TAOK2: variants seen among roughly 807,000 people sequenced by gnomAD.
The protein encoded by TAOK2 is TAO kinase 2.
TAOK2 carries 42 observed loss-of-function variants against 122.5 expected under a neutral mutation model. The ratio of observed to expected loss-of-function variants is 0.34; its 90% CI spans 0.27 to 0.44. The LOEUF is 0.44. Among genes scored for constraint, TAOK2 ranks in the 20% least tolerant of loss-of-function variants. The pLI, the probability that TAOK2 is intolerant of heterozygous loss-of-function variation, is 1.00. For missense variants in TAOK2, 1,264 were observed against 1,644.9 expected (o/e 0.77, Z 4.01); for synonymous variants, 704 against 677.6 (o/e 1.04, Z -0.61).
chr16:29,991,300 G>A, downstream of TAOK2: 1 of 1,611,376 alleles, frequency 6.2e-7, no homozygotes, highest in Non-Finnish European at 8.5e-7. This position sits in a 1 kb window ranked among gnomAD's most constrained non-coding sequence, Gnocchi z 5.6. Flanking sequence ...CCTCCACCAG[G>A]CATGCCCCCT....
In TAOK2 at chr16:29,985,960, C is replaced by G. The variant is rs537056183; in HGVS notation, c.1992+99C>G. 1,539 of 1,407,440 alleles carry G rather than the reference C, an allele frequency of 1.1e-3. 2 individuals carry two copies. The highest frequency in any genetic ancestry group is 1.4e-3 in the Non-Finnish European group (1,452 of 1,029,618). 87.2% of individuals were successfully genotyped at this position (1,407,440 alleles called of 1,614,324 possible). On this transcript the variant is annotated intron_variant, in intron 15 of 15. Coordinates refer to ENST00000308893, the MANE Select transcript of TAOK2 (RefSeq NM_016151.4). The surrounding 1 kb of genome is among the most constrained non-coding windows in gnomAD (Gnocchi z 6.9). ...ATTCTTGTCTTCTTTCTCCTTGGCC[C>G]TCGAGTGTTACAGTTCAGCTTTGCT...
At chr16:29,991,899 A>C, downstream of TAOK2, 4 of 223,696 alleles carry the variant, frequency 1.8e-5, no homozygotes, top group Admixed American at 5.7e-5. This position sits in a 1 kb window ranked among gnomAD's most constrained non-coding sequence, Gnocchi z 5.6. Context: ...GACATACTAT[A>C]TTCAGAGAAC....
Position 29,982,767 on chromosome 16 carries a change from G to GTCA in TAOK2, c.870_872dup (p.Ile290dup). 6.2e-7 allele frequency: 1 copy of GTCA among 1,613,950 alleles called. No individual in the cohort carries two copies. The highest frequency in any genetic ancestry group is 8.5e-7 in the Non-Finnish European group (1 of 1,179,910). On this transcript the variant is annotated inframe_insertion, in exon 11 of 16. Transcript: ENST00000308893. ...TGTGCTCCGGGAGCGGCCACCCACA[G>GTCA]TCATCATGGACCTGATCCAGAGGAC...
At chr16:29,991,276 G>C (rs756443782), downstream of TAOK2, 4 of 1,611,886 alleles carry the variant, frequency 2.5e-6, no homozygotes, top group Non-Finnish European at 3.4e-6. This position sits in a 1 kb window ranked among gnomAD's most constrained non-coding sequence, Gnocchi z 5.6. Context: ...GGGGCACACT[G>C]GAGCCATGGC....
chr16:29,989,570 C>G, downstream of TAOK2: 1 of 1,613,430 alleles, frequency 6.2e-7, no homozygotes, highest in South Asian at 1.1e-5. Flanking sequence ...CCCCCATCTC[C>G]CCTTGATCCG....
intron 11 of TAOK2, 38 bp downstream of exon 11, chr16:29,982,939 A>G (rs1205597821): frequency 6.2e-7 from 1 of 1,610,016 alleles, no homozygotes. Flanking sequence ...TTTATACCCC[A>G]TGTGTGCCTG....
chr16:29,977,608 CT>C, intron 1 of TAOK2, 129 bp from the exon 2 acceptor site: 1 of 866,522 alleles, frequency 1.2e-6, no homozygotes, highest in Non-Finnish European at 1.7e-6. Flanking sequence ...TAATCTCCCC[CT>C]CCCCTTCCTC....
chr16:29,982,043 C>G, intron 10 of TAOK2, 103 bp downstream of exon 10: 1 of 971,246 alleles, frequency 1.0e-6, no homozygotes, highest in Non-Finnish European at 1.6e-6. Flanking sequence ...CCACCAAGAG[C>G]TTCGTTGATG....
intron 13 of TAOK2, 116 bp downstream of exon 13, chr16:29,983,780 T>C: frequency 1.4e-6 from 2 of 1,463,720 alleles, no homozygotes; most frequent in South Asian, 1.3e-5. Flanking sequence ...ACCCTCATTT[T>C]CTGTTGCTGG....
In TAOK2 at chr16:29,981,930, T is replaced by C. The variant is rs151026108; in HGVS notation, c.821T>C (p.Val274Ala). ...CCTCAAGACAGACCAACCTCAGAGG[T>C]TCTCCTGAAGGTGAGGGCCTGCTGG... ...KIPQDRPTSE[V>A]LLKHRFVLRE... The change falls in exon 10 of 16, where the codon GTT (valine) becomes GCT (alanine). Residue 274 changes from valine to alanine, a missense_variant. By Grantham distance (64) the Val-to-Ala change is moderately conservative. Coordinates refer to ENST00000308893, the MANE Select transcript of TAOK2 (RefSeq NM_016151.4). 1 of 1,613,236 alleles carries C rather than the reference T, an allele frequency of 6.2e-7. No homozygotes were observed. The highest frequency in any genetic ancestry group is 1.3e-5 in the African/African-American group (1 of 74,824).
Position 29,983,306 on chromosome 16 carries a change from C to CA in TAOK2, c.1235dup (p.His412GlnfsTer12). 6.2e-7 allele frequency: 1 copy of CA among 1,601,650 alleles called. No homozygotes were observed. Among genetic ancestry groups the CA allele is most frequent in the Non-Finnish European group, 8.5e-7 (1 of 1,178,980 alleles). On this transcript the variant is annotated frameshift_variant, in exon 12 of 16. Coordinates refer to ENST00000308893, the MANE Select transcript of TAOK2 (RefSeq NM_016151.4). LOFTEE classifies it high-confidence loss of function. ...GGAGGGGGAGCACACAGTCACCTCT[C>CA]ACAGCTCCATTATCCACCGGCTGCC...
Position 29,978,368 on chromosome 16 carries a change from G to C in TAOK2, c.306+15G>C. On this transcript the variant is annotated intron_variant, in intron 4 of 15. Coordinates refer to ENST00000308893, the MANE Select transcript of TAOK2 (RefSeq NM_016151.4). ...ACACGGCTTGGGTGAGCTGGTGCCA[G>C]ATTCTGGCCTGATCTTTACTCCTAT... is the stretch of plus-strand genomic sequence containing the variant. 3.7e-6 allele frequency: 6 copies of C among 1,613,388 alleles called. No homozygotes were observed. Among genetic ancestry groups the C allele is most frequent in the Non-Finnish European group, 5.1e-6 (6 of 1,179,336 alleles).
Position 29,978,347 on chromosome 16 carries a change from G to A in TAOK2, c.300G>A (p.Thr100=), listed in dbSNP as rs368062779. ...GGGGCTGTTACCTGAGGGAGCACAC[G>A]GCTTGGGTGAGCTGGTGCCAGATTC... is the stretch of plus-strand genomic sequence containing the variant. ...QYRGCYLREH[T]AWLVMEYCLG... The change falls in exon 4 of 16, where the codon ACG becomes ACA. Residue 100 remains threonine (T), a synonymous_variant. Transcript: ENST00000308893. The A allele has an allele frequency of 3.2e-5, 52 of 1,614,140 alleles. No individual in the cohort carries two copies. The East Asian group carries it at 3.3e-4, about 10-fold the overall frequency.
chr16:29,984,534 T>A (rs1343127751), intron 13 of TAOK2, among the ~76,000 whole-genome samples: 1 of 152,196 alleles, frequency 6.6e-6, no homozygotes, highest in Non-Finnish European at 1.5e-5. Flanking sequence ...GTTCCAACAA[T>A]TCTTCAGATC....
chr16:29,989,432 T>C (rs1353645640), downstream of TAOK2: 2 of 977,420 alleles, frequency 2.0e-6, no homozygotes, highest in African/African-American at 3.6e-5. Context: ...CTGTCTAACA[T>C]GTTTTCTGTT....
At chr16:29,991,778 C>T (rs1391025800), downstream of TAOK2, 6 of 508,606 alleles carry the variant, frequency 1.2e-5, no homozygotes. This position sits in a 1 kb window ranked among gnomAD's most constrained non-coding sequence, Gnocchi z 5.6. Flanking sequence ...GCCTGGGAGC[C>T]CCGCCTCCCT....
chr16:29,979,527 T>C lies in TAOK2; in HGVS notation c.655+19T>C, dbSNP rs781261622. On this transcript the variant is annotated intron_variant, in intron 8 of 15. Transcript: ENST00000308893. The surrounding 1 kb of genome is among the most constrained non-coding windows in gnomAD (Gnocchi z 4.1). The stretch of plus-strand genomic sequence containing the variant: ...GAGCTGGGTAAGAACATCCTCCCTG[T>C]TCCCTCATCATCTTTTCCATTCTTT... The C allele has an allele frequency of 1.3e-5, 19 of 1,492,600 alleles. No homozygotes were observed. The highest frequency in any genetic ancestry group is 2.8e-5 in the African/African-American group (2 of 71,166). 92.5% of individuals were successfully genotyped at this position (1,492,600 alleles called of 1,614,324 possible). A position where few individuals can be genotyped will look rare whatever the true frequency, so the allele number is the denominator to read the frequency against.
chr16:29,987,682 C>T lies in TAOK2; in HGVS notation c.3410C>T (p.Pro1137Leu), dbSNP rs1209067791. The stretch of plus-strand genomic sequence containing the variant: ...GTCCCTGGGCCCCGGCGGCGTAATC[C>T]CCGCACCACCCAACACCCATTAGCT... ...LPVPGPRRRN[P>L]RTTQHPLALL... is the part of the protein sequence containing the mutation. Residue 1137 changes from proline (P) to leucine (L), a missense_variant, in exon 16 of 16, where the codon CCC becomes CTC. Pro to Leu is a moderately conservative substitution (Grantham distance 98). Coordinates refer to ENST00000308893, the MANE Select transcript of TAOK2 (RefSeq NM_016151.4). 6 of 1,614,012 alleles carry T rather than the reference C, an allele frequency of 3.7e-6. No individual in the cohort carries two copies. The highest frequency in any genetic ancestry group is 1.3e-5 in the African/African-American group (1 of 75,058).
intron 4 of TAOK2, 110 bp from the exon 5 acceptor site, chr16:29,978,689 C>T: frequency 7.6e-7 from 1 of 1,311,564 alleles, no homozygotes; most frequent in Non-Finnish European, 1.1e-6. Context: ...GTTGCGCTTC[C>T]TCCCTGTCAT....
Sources: allele counts gnomAD v4.1 joint callset (sites outside exome capture counted in the v4.1 genomes callset), GRCh38; gene constraint gnomAD v4.1.1; non-coding constraint Gnocchi (gnomAD v3.1); transcripts MANE v1.5; gene names NCBI Gene and HGNC (gene_info 2026-07-23, HGNC 2026-07-21).